Variants in C12orf54 observed in about 807,000 individuals in gnomAD.
C12orf54 encodes the protein chromosome 12 open reading frame 54.
C12orf54 carries 24 observed loss-of-function variants against 26.4 expected under a neutral mutation model. The ratio of observed to expected loss-of-function variants is 0.91; its 90% CI spans 0.66 to 1.28. The LOEUF (loss-of-function observed/expected upper bound fraction) is 1.28. Ranked by LOEUF, C12orf54 falls within the 50% of genes most tolerant of loss-of-function variation. C12orf54 has a pLI of 0.00. For synonymous variants in C12orf54, 54 were observed against 47.0 expected, an observed-to-expected ratio of 1.15 and a Z score of -0.61; for missense variants, 154 against 150.9, an observed-to-expected ratio of 1.02 and a Z score of -0.11.
the C12orf54 span, among the ~76,000 whole-genome samples, chr12:48,438,029 T>C: frequency 0.017 from 2,644 of 152,276 alleles, 82 homozygotes; most frequent in African/African-American, 0.06. Context: ...AAAATCTCCT[T>C]AAGCTGATAA....
At chr12:48,450,323 G>A in the C12orf54 span, among the ~76,000 whole-genome samples, 16 of 152,248 alleles carry the variant, frequency 1.1e-4, no homozygotes, top group South Asian at 2.1e-4. Flanking sequence ...TCTCTGGGAT[G>A]CAGCTAAAGC....
At chr12:48,465,673 T>A in the C12orf54 span, among the ~76,000 whole-genome samples, 1 of 151,922 alleles carries the variant, frequency 6.6e-6, no homozygotes, top group Admixed American at 6.6e-5. Context: ...TAAACACCCA[T>A]CGATGATAGA....
chr12:48,419,290 C>A, the C12orf54 span, among the ~76,000 whole-genome samples: 1 of 152,144 alleles, frequency 6.6e-6, no homozygotes, highest in Non-Finnish European at 1.5e-5. Flanking sequence ...AGCCCTAGTT[C>A]TGTTTCTTAC....
chr12:48,472,879 G>A, the C12orf54 span: 2 of 1,614,124 alleles, frequency 1.2e-6, no homozygotes, highest in South Asian at 1.1e-5. Context: ...CTTGAACTAA[G>A]CAGTAACAGA....
intron 4 of C12orf54, among the ~76,000 whole-genome samples, 171 bp from the exon 5 acceptor site, chr12:48,488,753 G>A (rs999489007): frequency 6.6e-6 from 1 of 152,170 alleles, no homozygotes; most frequent in African/African-American, 2.4e-5. Flanking sequence ...TCTGTAGAGT[G>A]GAAGTCAATG....
chr12:48,479,193 TGAG>T (rs1954174072), upstream of C12orf54, among the ~76,000 whole-genome samples: 1 of 152,068 alleles, frequency 6.6e-6, no homozygotes, highest in Non-Finnish European at 1.5e-5. Context: ...TAAAAAATGA[TGAG>T]TTCATGTCCT....
At chr12:48,457,274 G>A in the C12orf54 span, among the ~76,000 whole-genome samples, 1 of 69,420 alleles carries the variant, frequency 1.4e-5, no homozygotes, top group Non-Finnish European at 3.5e-5. Context: ...GCAGTTTTTT[G>A]TTGTTGTTGT....
the C12orf54 span, among the ~76,000 whole-genome samples, chr12:48,428,120 T>G: frequency 2.6e-5 from 4 of 152,144 alleles, no homozygotes; most frequent in African/African-American, 9.6e-5. Context: ...TTCTTCGAAC[T>G]GAATGACACT....
the C12orf54 span, among the ~76,000 whole-genome samples, chr12:48,477,099 A>G: frequency 1.3e-5 from 2 of 152,228 alleles, no homozygotes; most frequent in Middle Eastern, 3.2e-3. Flanking sequence ...AACTCACTCA[A>G]AACCACTCAA....
chr12:48,475,190 T>C, the C12orf54 span, among the ~76,000 whole-genome samples: 1 of 152,148 alleles, frequency 6.6e-6, no homozygotes, highest in Non-Finnish European at 1.5e-5. Flanking sequence ...GAGGGTCCTG[T>C]CTGTTAGAAG....
At chr12:48,486,310 C>T in intron 3 of C12orf54, 102 bp downstream of exon 3, 1 of 1,229,330 alleles carries the variant, frequency 8.1e-7, no homozygotes, top group South Asian at 1.3e-5. Context: ...AAAAAAGCTA[C>T]CTGACAAGGG....
the C12orf54 span, among the ~76,000 whole-genome samples, chr12:48,439,425 G>T: frequency 3.7e-4 from 56 of 152,262 alleles, no homozygotes; most frequent in African/African-American, 1.3e-3. Context: ...TATAAATCAT[G>T]CTGCTATGAA....
the C12orf54 span, among the ~76,000 whole-genome samples, chr12:48,457,925 T>C: frequency 6.6e-6 from 1 of 152,198 alleles, no homozygotes; most frequent in Non-Finnish European, 1.5e-5. Context: ...ACTTGTCCCT[T>C]CAGGCCCCAG....
the C12orf54 span, among the ~76,000 whole-genome samples, chr12:48,429,393 C>T: frequency 8.6e-5 from 13 of 151,920 alleles, 1 homozygote; most frequent in South Asian, 2.7e-3. Flanking sequence ...AGTTTGCTGA[C>T]GATATGACTG....
chr12:48,473,253 G>A, the C12orf54 span: 1 of 1,093,618 alleles, frequency 9.1e-7, no homozygotes, highest in Non-Finnish European at 1.4e-6. Context: ...TGAGGAGGAG[G>A]AACGTGAAGA....
the C12orf54 span, among the ~76,000 whole-genome samples, chr12:48,461,443 C>T: frequency 2.6e-5 from 4 of 151,802 alleles, no homozygotes; most frequent in South Asian, 8.3e-4. Flanking sequence ...ACATTCTTTT[C>T]AAGTATACAT....
chr12:48,448,255 G>C, the C12orf54 span, among the ~76,000 whole-genome samples: 1 of 152,150 alleles, frequency 6.6e-6, no homozygotes, highest in African/African-American at 2.4e-5. Context: ...TATATTTATT[G>C]TAATTTCATT....
upstream of C12orf54, among the ~76,000 whole-genome samples, chr12:48,480,402 C>T (rs1353589722): frequency 6.6e-6 from 1 of 152,138 alleles, no homozygotes; most frequent in African/African-American, 2.4e-5. Flanking sequence ...TTCTCCCATT[C>T]TATAGCTTAT....
chr12:48,467,900 A>T, the C12orf54 span, among the ~76,000 whole-genome samples: 1 of 152,148 alleles, frequency 6.6e-6, no homozygotes, highest in South Asian at 2.1e-4. Context: ...ATGGCAGCAG[A>T]GGGGTGCCTC....
Sources: allele counts gnomAD v4.1 joint callset (sites outside exome capture counted in the v4.1 genomes callset), GRCh38; gene constraint gnomAD v4.1.1; transcripts MANE v1.5; gene names NCBI Gene and HGNC (gene_info 2026-07-23, HGNC 2026-07-21).